NEK10: variants seen among roughly 807,000 people sequenced by gnomAD.
NEK10 encodes the protein NIMA related kinase 10.
In NEK10, 122 loss-of-function variants were observed where a neutral mutation model predicts 159.8. That is an observed-to-expected ratio of 0.76 (90% CI 0.66 to 0.89). The LOEUF (loss-of-function observed/expected upper bound fraction) is 0.89, where lower values mean the gene tolerates loss of function less well. Ranked by LOEUF, NEK10 falls within the 40% of genes least tolerant of loss-of-function variation. NEK10 has a pLI of 0.00. For missense variants in NEK10, 1,342 were observed against 1,323.1 expected (o/e 1.01, Z -0.22); for synonymous variants, 466 against 457.1 (o/e 1.02, Z -0.25).
intron 7 of NEK10, among the ~76,000 whole-genome samples, 155 bp from the exon 8 acceptor site, chr3:27,312,332 T>C (rs2044763429): frequency 6.6e-6 from 1 of 152,204 alleles, no homozygotes; most frequent in Non-Finnish European, 1.5e-5. Flanking sequence ...ATCGCTCAAG[T>C]GCAAAAGGTG....
rs1302480917 is a variant in NEK10, at chr3:27,119,825, G to A, written c.3125C>T (p.Thr1042Ile). Reference sequence around the variant, plus strand: ...ACGATGTAATAAATGGTAATCTGCTGTGAAAAAGTTGGGCTCAATCGGTTC... The same window carrying A: ...ACGATGTAATAAATGGTAATCTGCTATGAAAAAGTTGGGCTCAATCGGTTC... ...SPEPIEPNFF[T>I]ADYHLLHRSS... The change falls in exon 33 of 36, where the codon ACA becomes ATA. Residue 1042 changes from threonine (T) to isoleucine (I), a missense_variant. By Grantham distance (89) the Thr-to-Ile change is moderately conservative. Transcript: ENST00000691995. The A allele has an allele frequency of 1.2e-6, 2 of 1,613,938 alleles. No individual in the cohort carries two copies. Among genetic ancestry groups the A allele is most frequent in the Non-Finnish European group, 1.7e-6 (2 of 1,179,876 alleles).
At chr3:27,143,201 A>C (rs1943953579) in intron 30 of NEK10, among the ~76,000 whole-genome samples, 1 of 152,216 alleles carries the variant, frequency 6.6e-6, no homozygotes, top group South Asian at 2.1e-4. Flanking sequence ...ACCCAAAACA[A>C]ATACTAGACA....
rs185667665 is a variant in NEK10 at position 27,225,283 on chromosome 3, G to A, written c.2091-22726C>T. Among the ~76,000 whole-genome samples, 35 of 152,208 alleles carry A rather than the reference G, an allele frequency of 2.3e-4. 1 individual carries two copies. Among genetic ancestry groups the A allele is most frequent in the Admixed American group, 1.2e-3 (19 of 15,286 alleles). ...ATGGTGCCCACCAAGATTAAGGGTG[G>A]GTCTACCTTTCCCAGCCCACTGACT... On this transcript the variant is annotated intron_variant, in intron 23 of 35. Coordinates refer to ENST00000691995, the MANE Select transcript of NEK10 (RefSeq NM_001394966.1).
At chr3:27,243,359 A>C (rs1011164637) in intron 23 of NEK10, among the ~76,000 whole-genome samples, 1 of 152,190 alleles carries the variant, frequency 6.6e-6, no homozygotes, top group African/African-American at 2.4e-5. Flanking sequence ...GAATAAGACA[A>C]ATTAAATGTA....
chr3:27,135,642 T>C (rs1054923096), intron 31 of NEK10, among the ~76,000 whole-genome samples: 4 of 152,242 alleles, frequency 2.6e-5, no homozygotes, highest in Non-Finnish European at 5.9e-5. Flanking sequence ...TAAAAAGTGA[T>C]TTAAGTTAGT....
chr3:27,250,277 C>G (rs915213760), intron 23 of NEK10, among the ~76,000 whole-genome samples: 2 of 151,996 alleles, frequency 1.3e-5, no homozygotes, highest in African/African-American at 4.8e-5. Flanking sequence ...AGCACCGCCT[C>G]CCAGGTTCAC....
At chr3:27,147,861 T>C (rs1944455275) in intron 30 of NEK10, among the ~76,000 whole-genome samples, 2 of 152,248 alleles carry the variant, frequency 1.3e-5, no homozygotes, top group Non-Finnish European at 2.9e-5. Context: ...TCAGCCCTTC[T>C]TTCTTGCCTA....
chr3:27,260,282 G>A (rs1026961457), intron 22 of NEK10, among the ~76,000 whole-genome samples: 108 of 152,110 alleles, frequency 7.1e-4, no homozygotes, highest in Non-Finnish European at 1.1e-3. Flanking sequence ...GAGAGAGGGC[G>A]TCCCTGTCTT....
intron 28 of NEK10, among the ~76,000 whole-genome samples, chr3:27,173,846 TA>T (rs1947247873): frequency 6.6e-6 from 1 of 152,174 alleles, no homozygotes; most frequent in South Asian, 2.1e-4. Flanking sequence ...TCTCTCTTTA[TA>T]ATCTTTAAAC....
At chr3:27,346,265 G>A in intron 3 of NEK10, 49 bp from the exon 4 acceptor site, 1 of 1,595,774 alleles carries the variant, frequency 6.3e-7, no homozygotes, top group Non-Finnish European at 8.6e-7. Flanking sequence ...TTCAGCACGG[G>A]ATAAAGAAAG....
At chr3:27,301,171 C>A (rs2043794010) in intron 13 of NEK10, among the ~76,000 whole-genome samples, 1 of 152,214 alleles carries the variant, frequency 6.6e-6, no homozygotes. Flanking sequence ...CATGACTGCT[C>A]AAGGTGGCCC....
At chr3:27,347,586 A>G (rs2047658794) in intron 3 of NEK10, among the ~76,000 whole-genome samples, 1 of 152,078 alleles carries the variant, frequency 6.6e-6, no homozygotes, top group Non-Finnish European at 1.5e-5. Flanking sequence ...GTCAGCTTAC[A>G]GAAAAATGGA....
intron 23 of NEK10, among the ~76,000 whole-genome samples, chr3:27,214,253 T>C (rs919434873): frequency 2.0e-5 from 3 of 152,220 alleles, no homozygotes; most frequent in African/African-American, 7.2e-5. Context: ...AACCAAGCTG[T>C]AACCCAACCA....
Position 27,304,972 on chromosome 3 carries a change from C to T in NEK10, c.804-1G>A. ...TAGGCGCAGCAACTCCGCTGTTAGTCTGAAAGGGGTACAGAGGGTGGGGTG... is the reference window on the plus strand; with the variant it reads ...TAGGCGCAGCAACTCCGCTGTTAGTTTGAAAGGGGTACAGAGGGTGGGGTG... On this transcript the variant is annotated splice_acceptor_variant, in intron 11 of 35. Transcript: ENST00000691995. LOFTEE classifies it high-confidence loss of function. The T allele has an allele frequency of 6.3e-7, 1 of 1,596,260 alleles. No homozygotes were observed. The highest frequency in any genetic ancestry group is 1.1e-5 in the South Asian group (1 of 90,358).
chr3:27,299,792 C>T (rs1227184029), intron 13 of NEK10, among the ~76,000 whole-genome samples: 1 of 152,204 alleles, frequency 6.6e-6, no homozygotes, highest in Non-Finnish European at 1.5e-5. Context: ...GATTTGACTG[C>T]CCTGCTGGAT....
At chr3:27,362,002 T>G (rs1231900627) in intron 1 of NEK10, among the ~76,000 whole-genome samples, 3 of 152,196 alleles carry the variant, frequency 2.0e-5, no homozygotes, top group Non-Finnish European at 4.4e-5. Context: ...AAGAAGACAT[T>G]TTTTAATGGT....
At chr3:27,183,147 C>A (rs987307890) in intron 26 of NEK10, among the ~76,000 whole-genome samples, 6 of 151,810 alleles carry the variant, frequency 4.0e-5, no homozygotes, top group African/African-American at 1.5e-4. Context: ...CTGATTTGAT[C>A]ATTAAACATT....
intron 22 of NEK10, among the ~76,000 whole-genome samples, chr3:27,258,854 A>G (rs2040134968): frequency 6.6e-6 from 1 of 152,022 alleles, no homozygotes; most frequent in Non-Finnish European, 1.5e-5. Context: ...AAGTGTTCCT[A>G]TTTCTCCACA....
At chr3:27,260,226 G>A (rs902362807) in intron 22 of NEK10, among the ~76,000 whole-genome samples, 22 of 152,096 alleles carry the variant, frequency 1.4e-4, no homozygotes, top group Admixed American at 9.8e-4. Flanking sequence ...TCTCCTGCCT[G>A]ATTGCCCTGG....
Sources: gnomAD v4.1 joint callset for allele counts (sites outside exome capture counted in the v4.1 genomes callset) on GRCh38, gnomAD v4.1.1 for gene constraint, MANE v1.5 for transcripts, NCBI Gene and HGNC (gene_info 2026-07-23, HGNC 2026-07-21) for gene names.